The following EPAS1 variants were observed in gnomAD, a reference collection of about 807,000 sequenced individuals.
The protein encoded by EPAS1 is endothelial PAS domain protein 1.
In EPAS1, 23 loss-of-function variants were observed where a neutral mutation model predicts 87.9. The ratio of observed to expected loss-of-function variants is 0.26; its 90% CI spans 0.19 to 0.37. EPAS1 has a LOEUF of 0.37. EPAS1 is among the 10% of genes least tolerant of loss of function. The pLI is 1.00. For synonymous variants in EPAS1, 508 were observed against 444.3 expected, an observed-to-expected ratio of 1.14 and a Z score of -1.80; for missense variants, 1,138 against 1,120.7, an observed-to-expected ratio of 1.02 and a Z score of -0.22.
chr2:46,304,324 T>A (rs990300922), intron 1 of EPAS1, among the ~76,000 whole-genome samples: 4 of 152,130 alleles, frequency 2.6e-5, no homozygotes, highest in Non-Finnish European at 4.4e-5. Context: ...CCCAAGGTCG[T>A]ATAGGTAGCA....
At chr2:46,349,170 T>A (rs1684093729) in intron 2 of EPAS1, among the ~76,000 whole-genome samples, 1 of 151,830 alleles carries the variant, frequency 6.6e-6, no homozygotes. Flanking sequence ...GGAACAAAGG[T>A]CAACAGAAGC....
At chr2:46,379,702 A>C (rs1684841975) in intron 11 of EPAS1, 1 of 181,088 alleles carries the variant, frequency 5.5e-6, no homozygotes, top group Admixed American at 5.4e-5. Context: ...TGCTGATTGG[A>C]ACCAAAGTCT....
At position 46,366,327 on chromosome 2, in the gene EPAS1, A is replaced by G. The variant is rs150921198; in HGVS notation, c.780-3500A>G. On this transcript the variant is annotated intron_variant, in intron 6 of 15. Transcript: ENST00000263734. ...TAAACAGTTTTGAGAGTAAAGAGCAATGAATCATTCATTTTACATTTTGAA... is the reference window on the plus strand; with the variant it reads ...TAAACAGTTTTGAGAGTAAAGAGCAGTGAATCATTCATTTTACATTTTGAA... Among the ~76,000 whole-genome samples, 81 of 152,344 alleles carry G rather than the reference A, an allele frequency of 5.3e-4. No homozygotes were observed. In the East Asian group the frequency reaches 8.7e-3, roughly 16 times the overall value.
chr2:46,356,571 T>G (rs1684276144), intron 3 of EPAS1, among the ~76,000 whole-genome samples, 153 bp from the exon 4 acceptor site: 1 of 152,204 alleles, frequency 6.6e-6, no homozygotes, highest in Non-Finnish European at 1.5e-5. Flanking sequence ...GATTACATCT[T>G]TCTGTCTGTG....
chr2:46,302,118 C>CTCTGTGTGTG (rs35925160), intron 1 of EPAS1, among the ~76,000 whole-genome samples: 38,994 of 127,732 alleles, frequency 0.31, 7,139 homozygotes, highest in Admixed American at 0.45. Context: ...CTCTTTCTCT[C>CTCTGTGTGTG]TGTGTGTGTG....
intron 6 of EPAS1, among the ~76,000 whole-genome samples, chr2:46,367,004 AT>A (rs1305719841): frequency 1.3e-5 from 2 of 152,220 alleles, no homozygotes; most frequent in East Asian, 3.8e-4. Context: ...GATGTGGTGT[AT>A]TTCCCAGTTT....
intron 15 of EPAS1, among the ~76,000 whole-genome samples, chr2:46,383,541 A>C (rs7590087): frequency 0.55 from 83,857 of 152,054 alleles, 23,634 homozygotes; most frequent in African/African-American, 0.62. Flanking sequence ...GGCTGTAGAA[A>C]CACCAGACAG....
chr2:46,298,197 C>T (rs1682925563), intron 1 of EPAS1, among the ~76,000 whole-genome samples: 1 of 152,204 alleles, frequency 6.6e-6, no homozygotes, highest in African/African-American at 2.4e-5. Context: ...GGGAGATGGC[C>T]TGGAGGTCGG....
At chr2:46,339,700 G>T (rs1250371924) in intron 1 of EPAS1, among the ~76,000 whole-genome samples, 1 of 152,216 alleles carries the variant, frequency 6.6e-6, no homozygotes, top group East Asian at 1.9e-4. Flanking sequence ...GCTACAACAA[G>T]ATACCGTAAA....
At chr2:46,329,709 C>A (rs559016878) in intron 1 of EPAS1, among the ~76,000 whole-genome samples, 11 of 152,264 alleles carry the variant, frequency 7.2e-5, no homozygotes, top group Middle Eastern at 3.4e-3. Context: ...GTAATCCCAG[C>A]TACTTGGGAG....
chr2:46,376,504 G>A, intron 8 of EPAS1, 35 bp from the exon 9 acceptor site: 1 of 1,610,260 alleles, frequency 6.2e-7, no homozygotes, highest in South Asian at 1.1e-5. Flanking sequence ...TCTAGAAAAT[G>A]TGGAAAGTCT....
In EPAS1 at chr2:46,297,853, C is replaced by T. The variant is rs536185511; in HGVS notation, c.-59C>T. ...GGGAGCGGACGAGGGCCACAGCCCC[C>T]CACCCGCCAGGGAGCCCAGGTGCTC... On this transcript the variant is annotated 5_prime_UTR_variant, in exon 1 of 16. Coordinates refer to ENST00000263734, the MANE Select transcript of EPAS1 (RefSeq NM_001430.5). 5 of 1,589,156 alleles carry T rather than the reference C, an allele frequency of 3.1e-6. No homozygotes were observed. In the African/African-American group the frequency reaches 5.4e-5, roughly 17 times the overall value.
intron 12 of EPAS1, 133 bp from the exon 13 acceptor site, chr2:46,381,463 G>A: frequency 1.4e-6 from 2 of 1,445,304 alleles, no homozygotes; most frequent in East Asian, 2.3e-5. Context: ...GCCTGCCTCT[G>A]AGACTCTGCC....
chr2:46,382,125 T>G (rs901275738), intron 14 of EPAS1, 36 bp downstream of exon 14: 1 of 1,595,820 alleles, frequency 6.3e-7, no homozygotes, highest in East Asian at 2.2e-5. Context: ...CTCCTGGGGG[T>G]TCTGGTGGAA....
Position 46,354,657 on chromosome 2 carries a change from C to T in EPAS1, c.218-1494C>T, listed in dbSNP as rs115245876. On this transcript the variant is annotated intron_variant, in intron 2 of 15. Transcript: ENST00000263734. ...GTACGGCCTGCTGAGAATGCAGTTG[C>T]CTGCTCACTCTGTTTTGCACCTCTG... 9.8e-3 allele frequency among the ~76,000 whole-genome samples: 1,494 copies of T among 151,934 alleles called. 16 individuals are homozygous for T. Among genetic ancestry groups the T allele is most frequent in the African/African-American group, 0.034 (1,396 of 41,388 alleles).
At chr2:46,319,453 G>A (rs1683411095) in intron 1 of EPAS1, among the ~76,000 whole-genome samples, 1 of 152,164 alleles carries the variant, frequency 6.6e-6, no homozygotes, top group Non-Finnish European at 1.5e-5. Flanking sequence ...TTATACAGTT[G>A]TTTTCATGAT....
intron 1 of EPAS1, among the ~76,000 whole-genome samples, chr2:46,329,384 C>G (rs1199534408): frequency 1.3e-5 from 2 of 152,162 alleles, no homozygotes; most frequent in African/African-American, 4.8e-5. Context: ...AAGGGGAGGC[C>G]TATGGAAAAA....
intron 1 of EPAS1, among the ~76,000 whole-genome samples, chr2:46,333,816 C>G (rs1033016696): frequency 6.6e-6 from 1 of 151,768 alleles, no homozygotes; most frequent in African/African-American, 2.4e-5. Flanking sequence ...TTCCTTGCCC[C>G]AAGATCTGAC....
chr2:46,339,522 T>G, intron 1 of EPAS1, among the ~76,000 whole-genome samples: 1 of 152,244 alleles, frequency 6.6e-6, no homozygotes, highest in East Asian at 1.9e-4. Context: ...ATGGGAATGA[T>G]GGTAGCTGCT....
Sources: gnomAD v4.1 joint callset for allele counts (sites outside exome capture counted in the v4.1 genomes callset) on GRCh38, gnomAD v4.1.1 for gene constraint, MANE v1.5 for transcripts, NCBI Gene and HGNC (gene_info 2026-07-23, HGNC 2026-07-21) for gene names.